The following NDUFS4 variants were observed in gnomAD, a reference collection of about 807,000 sequenced individuals.
NDUFS4 encodes the protein NADH dehydrogenase [ubiquinone] iron-sulfur protein 4, mitochondrial.
Under a neutral mutation model 24.3 loss-of-function variants are expected in NDUFS4, and 28 were observed. That is an observed-to-expected ratio of 1.15 (90% CI 0.85 to 1.58). The LOEUF (loss-of-function observed/expected upper bound fraction) is 1.58, where lower values mean the gene tolerates loss of function less well. Ranked by LOEUF, NDUFS4 falls within the 40% of genes most tolerant of loss-of-function variation. NDUFS4 has a pLI of 0.00. For missense variants in NDUFS4, 223 were observed against 207.9 expected, an observed-to-expected ratio of 1.07 and a Z score of -0.45; for synonymous variants, 93 against 69.7, an observed-to-expected ratio of 1.34 and a Z score of -1.67.
chr5:53,661,632 A>G (rs1187033200), intron 4 of NDUFS4, among the ~76,000 whole-genome samples: 2 of 152,198 alleles, frequency 1.3e-5, no homozygotes, highest in Non-Finnish European at 2.9e-5. Flanking sequence ...CCTACCCATG[A>G]GCATGGAATG....
intron 1 of NDUFS4, among the ~76,000 whole-genome samples, chr5:53,578,036 A>G (rs1749441922): frequency 6.6e-6 from 1 of 152,164 alleles, no homozygotes; most frequent in Non-Finnish European, 1.5e-5. Flanking sequence ...CTCCTGTCCC[A>G]CTTTCATCTC....
At chr5:53,680,392 C>T (rs1202728837) in intron 4 of NDUFS4, among the ~76,000 whole-genome samples, 4 of 152,126 alleles carry the variant, frequency 2.6e-5, no homozygotes, top group East Asian at 1.9e-4. Context: ...CACATGCACA[C>T]GTATGTTTAC....
At chr5:53,625,286 T>C (rs1433820315) in intron 2 of NDUFS4, among the ~76,000 whole-genome samples, 7 of 152,192 alleles carry the variant, frequency 4.6e-5, no homozygotes, top group Non-Finnish European at 1.0e-4. Flanking sequence ...AAGACTACTT[T>C]TATGATAATT....
intron 1 of NDUFS4, among the ~76,000 whole-genome samples, chr5:53,592,897 A>G (rs1373960606): frequency 6.6e-6 from 1 of 152,196 alleles, no homozygotes; most frequent in East Asian, 1.9e-4. Flanking sequence ...CCTGGAATAA[A>G]TCCTGCTTGG....
chr5:53,669,979 A>C (rs1752619777), intron 4 of NDUFS4, among the ~76,000 whole-genome samples: 1 of 152,144 alleles, frequency 6.6e-6, no homozygotes, highest in African/African-American at 2.4e-5. Flanking sequence ...TAGGATGATT[A>C]ACAATTTCTT....
rs897257699 is a variant in NDUFS4, at chr5:53,560,741, G to A, written c.79G>A (p.Val27Ile). 7 of 1,614,092 alleles carry A rather than the reference G, an allele frequency of 4.3e-6. No individual in the cohort carries two copies. The Admixed American group carries it at 6.7e-5, about 15-fold the overall frequency. ...RRAVAVAALS[V>I]SRVPTRSLRT... ...GGCAGTGGCTGTAGCTGCCCTTTCC[G>A]TTTCCAGGGTTCCGACCAGGTAATA... The change falls in exon 1 of 5, where the codon GTT becomes ATT. Residue 27 changes from valine (V) to isoleucine (I), a missense_variant. Coordinates refer to ENST00000296684, the MANE Select transcript of NDUFS4 (RefSeq NM_002495.4).
At chr5:53,563,098 G>A (rs543162007) in intron 1 of NDUFS4, among the ~76,000 whole-genome samples, 2 of 152,118 alleles carry the variant, frequency 1.3e-5, no homozygotes, top group Admixed American at 6.5e-5. Flanking sequence ...GCGTGGCAGC[G>A]TGCGCCTGTA....
At position 53,630,311 on chromosome 5, in the gene NDUFS4, C is replaced by T. The variant is rs998269271; in HGVS notation, c.178-15922C>T. 3.3e-5 allele frequency among the ~76,000 whole-genome samples: 5 copies of T among 152,078 alleles called. No homozygotes were observed. The South Asian group carries it at 1.0e-3, about 32-fold the overall frequency. On this transcript the variant is annotated intron_variant, in intron 2 of 4. Coordinates refer to ENST00000296684, the MANE Select transcript of NDUFS4 (RefSeq NM_002495.4). ...GACCTTTTTCTCTGGCTGCCCTTAA[C>T]ATTTTTTCTTCATTTCAACCTTCGT...
intron 4 of NDUFS4, among the ~76,000 whole-genome samples, chr5:53,670,326 A>G (rs1351442693): frequency 6.6e-6 from 1 of 152,082 alleles, no homozygotes; most frequent in Non-Finnish European, 1.5e-5. Flanking sequence ...ACACTATCCA[A>G]TATGGTAGCC....
chr5:53,678,337 A>T (rs1740541950), intron 4 of NDUFS4, among the ~76,000 whole-genome samples: 1 of 152,168 alleles, frequency 6.6e-6, no homozygotes, highest in African/African-American at 2.4e-5. Flanking sequence ...TGAAACAGCA[A>T]AGGGAGTCAG....
At chr5:53,672,132 A>G (rs776738664) in intron 4 of NDUFS4, among the ~76,000 whole-genome samples, 19 of 152,114 alleles carry the variant, frequency 1.2e-4, no homozygotes, top group Non-Finnish European at 2.4e-4. Flanking sequence ...ACTTAGAATT[A>G]TCCCAGAAGT....
intron 1 of NDUFS4, among the ~76,000 whole-genome samples, chr5:53,570,298 CTTT>C (rs1177887726): frequency 2.0e-5 from 3 of 152,060 alleles, no homozygotes; most frequent in Non-Finnish European, 2.9e-5. Flanking sequence ...TTGAGATTGT[CTTT>C]TTTTATTCAG....
chr5:53,640,515 G>A (rs543120371), intron 2 of NDUFS4, among the ~76,000 whole-genome samples: 2 of 152,270 alleles, frequency 1.3e-5, no homozygotes, highest in East Asian at 3.9e-4. Context: ...ACTCATGGCA[G>A]AAGGTGAAGG....
At position 53,646,264 on chromosome 5, in the gene NDUFS4, A is replaced by C. The variant is rs781579325; in HGVS notation, c.209A>C (p.Glu70Ala). Residue 70 changes from glutamate to alanine, a missense_variant, in exon 3 of 5, where the codon GAG becomes GCG. Glu to Ala is a moderately radical substitution (Grantham distance 107). Coordinates refer to ENST00000296684, the MANE Select transcript of NDUFS4 (RefSeq NM_002495.4). ...DITTLTGVPE[E>A]HIKTRKVRIF... ...ACTACTTTAACTGGAGTTCCAGAAG[A>C]GCATATAAAAACTAGAAAAGTCAGG... The C allele has an allele frequency of 6.2e-7, 1 of 1,612,800 alleles. No individual in the cohort carries two copies. The highest frequency in any genetic ancestry group is 1.1e-5 in the South Asian group (1 of 91,032).
intron 1 of NDUFS4, among the ~76,000 whole-genome samples, chr5:53,580,603 CA>C (rs1749528222): frequency 6.6e-6 from 1 of 152,206 alleles, no homozygotes; most frequent in East Asian, 1.9e-4. Flanking sequence ...ATACCTGAAA[CA>C]ATGTTACGAT....
chr5:53,673,666 C>T (rs547667623), intron 4 of NDUFS4, among the ~76,000 whole-genome samples: 1 of 152,280 alleles, frequency 6.6e-6, no homozygotes, highest in Admixed American at 6.5e-5. Context: ...AACAAAAACA[C>T]ATCTCATAAC....
chr5:53,665,071 G>A (rs1242641323), intron 4 of NDUFS4, among the ~76,000 whole-genome samples: 2 of 152,216 alleles, frequency 1.3e-5, no homozygotes, highest in Non-Finnish European at 2.9e-5. Context: ...CTGCAGGTCT[G>A]TTGGAGTTTG....
intron 2 of NDUFS4, chr5:53,604,788 C>G (rs1283827330): frequency 4.4e-6 from 2 of 456,286 alleles, no homozygotes; most frequent in Admixed American, 2.3e-5. Flanking sequence ...GAACTTGCTA[C>G]TCTTTTTCCT....
At chr5:53,672,084 G>C (rs925930593) in intron 4 of NDUFS4, among the ~76,000 whole-genome samples, 2 of 152,038 alleles carry the variant, frequency 1.3e-5, no homozygotes, top group African/African-American at 2.4e-5. Flanking sequence ...CTGGATCCAG[G>C]AAAATAAAGA....
Sources: gnomAD v4.1 joint callset for allele counts (sites outside exome capture counted in the v4.1 genomes callset) on GRCh38, gnomAD v4.1.1 for gene constraint, MANE v1.5 for transcripts, NCBI Gene and HGNC (gene_info 2026-07-23, HGNC 2026-07-21) for gene names.